SLC35G2: variants seen among roughly 807,000 people sequenced by gnomAD.
SLC35G2 encodes solute carrier family 35 member G2.
A neutral mutation model predicts 27.2 loss-of-function variants in SLC35G2; 20 were observed. The observed-to-expected ratio is 0.74, with a 90% CI of 0.52 to 1.07. SLC35G2 has a LOEUF of 1.07. Among genes scored for constraint, SLC35G2 ranks in the 50% least tolerant of loss-of-function variants. The pLI, the probability that SLC35G2 is intolerant of heterozygous loss-of-function variation, is 0.00. For synonymous variants in SLC35G2, 148 were observed against 165.3 expected, an observed-to-expected ratio of 0.90 and a Z score of 0.80; for missense variants, 416 against 493.3, an observed-to-expected ratio of 0.84 and a Z score of 1.48.
intron 1 of SLC35G2, chr3:136,842,288 C>A (rs375232976): frequency 6.6e-6 from 1 of 152,156 alleles, no homozygotes; most frequent in Admixed American, 6.5e-5. Flanking sequence ...TTGAGTGGTT[C>A]GGGATCTGCT....
intron 1 of SLC35G2, among the ~76,000 whole-genome samples, chr3:136,826,447 T>C (rs1040802008): frequency 3.9e-5 from 6 of 152,166 alleles, no homozygotes; most frequent in Non-Finnish European, 8.8e-5. Context: ...ATCTTGTTAC[T>C]TGTTATTGGT....
At chr3:136,828,376 C>CTTTCCCTGTAATGTTTA (rs1936642321) in intron 1 of SLC35G2, among the ~76,000 whole-genome samples, 1 of 152,172 alleles carries the variant, frequency 6.6e-6, no homozygotes, top group Non-Finnish European at 1.5e-5. Flanking sequence ...AGGTCTCTCT[C>CTTTCCCTGTAATGTTTA]TTTCCCTGTA....
At chr3:136,852,191 A>G (rs1170939646) in intron 1 of SLC35G2, among the ~76,000 whole-genome samples, 1 of 144,710 alleles carries the variant, frequency 6.9e-6, no homozygotes, top group Non-Finnish European at 1.5e-5. Context: ...TTGGAAATAA[A>G]GAACAGTCAG....
At chr3:136,822,701 G>C (rs1004556548) in intron 1 of SLC35G2, among the ~76,000 whole-genome samples, 1 of 152,148 alleles carries the variant, frequency 6.6e-6, no homozygotes, top group Non-Finnish European at 1.5e-5. Flanking sequence ...TTCTGTGCCT[G>C]GCTTATTTCA....
rs932441477 is a variant in SLC35G2, at chr3:136,819,187, G to C, written c.-460G>C. The C allele has an allele frequency of 5.3e-5, 8 of 152,340 alleles. No individual in the cohort carries two copies. Among genetic ancestry groups the C allele is most frequent in the Admixed American group, 5.2e-4 (8 of 15,302 alleles). 9.4% of individuals were successfully genotyped at this position (152,340 alleles called of 1,614,324 possible). ...GGGCACGCCCGCGTCAGTCGCCTCCGGGGCACCTTCCTCGCCACGACACGC... is the reference window on the plus strand; with the variant it reads ...GGGCACGCCCGCGTCAGTCGCCTCCCGGGCACCTTCCTCGCCACGACACGC... On this transcript the variant is annotated 5_prime_UTR_variant, in exon 1 of 2. Transcript: ENST00000446465.
chr3:136,841,732 AAAATAAATAAATAAATAAATAAAT>A, intron 1 of SLC35G2: 1 of 144,140 alleles, frequency 6.9e-6, no homozygotes, highest in South Asian at 2.3e-4. Flanking sequence ...ACTCCGCCTC[AAAATAAATAAATAAATAAATAAAT>A]AAATAAATAA....
At chr3:136,826,029 C>CTTTAT (rs56350224) in intron 1 of SLC35G2, among the ~76,000 whole-genome samples, 112,691 of 148,630 alleles carry the variant, frequency 0.76, 42,995 homozygotes, top group East Asian at 0.91. Flanking sequence ...CTTTTCTTTT[C>CTTTAT]TTTATTTTAT....
At chr3:136,849,411 C>T (rs972569184) in intron 1 of SLC35G2, among the ~76,000 whole-genome samples, 6 of 150,924 alleles carry the variant, frequency 4.0e-5, no homozygotes, top group Non-Finnish European at 5.9e-5. Context: ...TTTATGAAAA[C>T]GAAATCATGT....
chr3:136,835,307 C>CTTTTTTTT (rs59937564), intron 1 of SLC35G2, among the ~76,000 whole-genome samples: 1 of 113,200 alleles, frequency 8.8e-6, no homozygotes, highest in Non-Finnish European at 1.8e-5. Context: ...AGGCCTTTTT[C>CTTTTTTTT]TTTTTTTTTT....
At chr3:136,844,040 G>A (rs1560016457) in intron 1 of SLC35G2, among the ~76,000 whole-genome samples, 1 of 152,144 alleles carries the variant, frequency 6.6e-6, no homozygotes, top group Non-Finnish European at 1.5e-5. Flanking sequence ...ATTGGGAGGT[G>A]GACAGGCTGT....
At chr3:136,842,428 C>T (rs889675191) in intron 1 of SLC35G2, 1 of 152,248 alleles carries the variant, frequency 6.6e-6, no homozygotes, top group African/African-American at 2.4e-5. Flanking sequence ...GCTGATCCCT[C>T]TCCCAGGTGA....
At chr3:136,839,446 C>G (rs956748568) in intron 1 of SLC35G2, among the ~76,000 whole-genome samples, 1 of 151,904 alleles carries the variant, frequency 6.6e-6, no homozygotes, top group Non-Finnish European at 1.5e-5. Flanking sequence ...GTTTTTTTTT[C>G]AACCTCAGTT....
At chr3:136,827,731 A>G (rs1323675385) in intron 1 of SLC35G2, among the ~76,000 whole-genome samples, 9 of 151,854 alleles carry the variant, frequency 5.9e-5, no homozygotes, top group Admixed American at 5.9e-4. Context: ...ATTCAGGAGC[A>G]TATTGCTTAA....
intron 1 of SLC35G2, among the ~76,000 whole-genome samples, chr3:136,847,476 A>C (rs1576911367): frequency 6.6e-6 from 1 of 152,202 alleles, no homozygotes; most frequent in South Asian, 2.1e-4. Flanking sequence ...ATTCTAACGT[A>C]TATCAGAATT....
chr3:136,828,800 C>T (rs543156520), intron 1 of SLC35G2, among the ~76,000 whole-genome samples: 1 of 152,164 alleles, frequency 6.6e-6, no homozygotes, highest in East Asian at 1.9e-4. Flanking sequence ...GTTTTGTGGT[C>T]TTCTCTTCCT....
At chr3:136,844,817 A>T (rs1244330396) in intron 1 of SLC35G2, among the ~76,000 whole-genome samples, 1 of 151,152 alleles carries the variant, frequency 6.6e-6, no homozygotes, top group Non-Finnish European at 1.5e-5. Flanking sequence ...AAAAAAAAAA[A>T]AAAAAGAAAA....
chr3:136,826,029 C>CTTTATTTTAT (rs56350224), intron 1 of SLC35G2, among the ~76,000 whole-genome samples: 33 of 148,712 alleles, frequency 2.2e-4, no homozygotes, highest in East Asian at 4.0e-4. Context: ...CTTTTCTTTT[C>CTTTATTTTAT]TTTATTTTAT....
In SLC35G2 at chr3:136,854,721, T is replaced by C; in HGVS notation, c.261T>C (p.Ile87=). 1 of 1,614,140 alleles carries C rather than the reference T, an allele frequency of 6.2e-7. No individual in the cohort carries two copies. The highest frequency in any genetic ancestry group is 8.5e-7 in the Non-Finnish European group (1 of 1,180,030). The change falls in exon 2 of 2, where the codon ATT becomes ATC. Residue 87 remains isoleucine (I), a synonymous_variant. Transcript: ENST00000446465. ...CAGAAGACCCAATGATCAATGAGAT[T>C]GGACAATTCCAGAGCTTTGCAGAAA... ...PPTEDPMINE[I]GQFQSFAEKN... is the part of the protein sequence containing the mutation.
At chr3:136,836,821 C>T (rs923702773) in intron 1 of SLC35G2, among the ~76,000 whole-genome samples, 12 of 152,176 alleles carry the variant, frequency 7.9e-5, no homozygotes, top group Admixed American at 2.0e-4. Context: ...AAACATATTA[C>T]TTTGCTATAT....
Sources: allele counts gnomAD v4.1 joint callset (sites outside exome capture counted in the v4.1 genomes callset), GRCh38; gene constraint gnomAD v4.1.1; transcripts MANE v1.5; gene names NCBI Gene and HGNC (gene_info 2026-07-23, HGNC 2026-07-21).